The following CELSR1 variants were observed in gnomAD, a reference collection of about 807,000 sequenced individuals.
The protein encoded by CELSR1 is cadherin EGF LAG seven-pass G-type receptor 1, also known as adhesion G protein-coupled receptor C1.
Under a neutral mutation model 249.1 loss-of-function variants are expected in CELSR1, and 110 were observed. The ratio of observed to expected loss-of-function variants is 0.44; its 90% CI spans 0.38 to 0.52. CELSR1 has a LOEUF of 0.52. Ranked by LOEUF, CELSR1 falls within the 20% of genes least tolerant of loss-of-function variation. The pLI is 0.00. For synonymous variants in CELSR1, 2,113 were observed against 1,900.0 expected, an observed-to-expected ratio of 1.11 and a Z score of -2.92; for missense variants, 4,109 against 4,296.4, an observed-to-expected ratio of 0.96 and a Z score of 1.22.
chr22:46,408,921 A>T lies in CELSR1; in HGVS notation c.5226+75T>A. 1.6e-6 allele frequency: 2 copies of T among 1,277,254 alleles called. No individual in the cohort carries two copies. 79.1% of individuals were successfully genotyped at this position (1,277,254 alleles called of 1,614,324 possible). A position where few individuals can be genotyped will look rare whatever the true frequency, so the allele number is the denominator to read the frequency against. ...AGTAGCAGGTGCCCGAGTGTGCACC[A>T]GGAAGCCCAGCGCCTGGGTCCCTCC... On this transcript the variant is annotated intron_variant, in intron 9 of 34. Transcript: ENST00000674500. This position sits in a 1 kb window ranked among gnomAD's most constrained non-coding sequence, Gnocchi z 4.6.
Position 46,506,036 on chromosome 22 carries a change from G to A in CELSR1, c.3544+27591C>T, listed in dbSNP as rs1290392178. On this transcript the variant is annotated intron_variant, in intron 1 of 34. Coordinates refer to ENST00000674500, the MANE Select transcript of CELSR1 (RefSeq NM_001378328.1). This position sits in a 1 kb window ranked among gnomAD's most constrained non-coding sequence, Gnocchi z 4.1. ...TCTACTAAAAATACAAAAATTAGCA[G>A]GGCATGGTGGCAGGCACCTGTAATC... 6.6e-6 allele frequency among the ~76,000 whole-genome samples: 1 copy of A among 151,708 alleles called. No homozygotes were observed. Among genetic ancestry groups the A allele is most frequent in the Non-Finnish European group, 1.5e-5 (1 of 67,902 alleles).
chr22:46,535,609 G>T lies in CELSR1; in HGVS notation c.1562C>A (p.Pro521His). The change falls in exon 1 of 35, where the codon CCC becomes CAC. Residue 521 changes from proline (P) to histidine (H), a missense_variant. Transcript: ENST00000674500. ...TTTCTGGACATCCTCGAAATCCAAGGGGTTGATCACATCCAGGATCCCGCT... is the reference window on the plus strand; with the variant it reads ...TTTCTGGACATCCTCGAAATCCAAGTGGTTGATCACATCCAGGATCCCGCT... Reference protein sequence around the residue: ...SLSGILDVINPLDFEDVQKYS... With the variant: ...SLSGILDVINHLDFEDVQKYS... 1 of 1,613,448 alleles carries T rather than the reference G, an allele frequency of 6.2e-7. No individual in the cohort carries two copies. Among genetic ancestry groups the T allele is most frequent in the Non-Finnish European group, 8.5e-7 (1 of 1,180,034 alleles).
rs778959014 is a variant in CELSR1, at chr22:46,417,872, G to A, written c.4612-6113C>T. Reference sequence around the variant, plus strand: ...TTCTCAACTCAGAGTCCAGCTGGGCGGGCCCAAGGCCGGCGGGGGGCTCAC... The same window carrying A: ...TTCTCAACTCAGAGTCCAGCTGGGCAGGCCCAAGGCCGGCGGGGGGCTCAC... On this transcript the variant is annotated intron_variant, in intron 5 of 34. Transcript: ENST00000674500. This position sits in a 1 kb window ranked among gnomAD's most constrained non-coding sequence, Gnocchi z 4.1. Among the ~76,000 whole-genome samples the A allele has an allele frequency of 2.0e-5, 3 of 152,198 alleles. No homozygotes were observed. The highest frequency in any genetic ancestry group is 6.5e-5 in the Admixed American group (1 of 15,282).
At chr22:46,397,138 C>CTGTT (rs1363880649) in intron 12 of CELSR1, among the ~76,000 whole-genome samples, 1 of 152,124 alleles carries the variant, frequency 6.6e-6, no homozygotes, top group Non-Finnish European at 1.5e-5. Context: ...GAGTCTTGCT[C>CTGTT]TGTTGCCCAG....
intron 2 of CELSR1, among the ~76,000 whole-genome samples, chr22:46,463,226 C>T (rs2080052521): frequency 6.6e-6 from 1 of 152,222 alleles, no homozygotes. Flanking sequence ...TAAGAAAGTG[C>T]CATTGCTGGC....
intron 1 of CELSR1, among the ~76,000 whole-genome samples, chr22:46,516,997 C>T (rs1473608511): frequency 6.6e-6 from 1 of 152,200 alleles, no homozygotes; most frequent in African/African-American, 2.4e-5. Context: ...AGCAAAGGAA[C>T]CTTTATCACC....
Position 46,399,603 on chromosome 22 carries a change from C to T in CELSR1, c.5412+114G>A. ...CCCACCTGCGGGGACCCAGAAAGTG[C>T]CTCCCCAAATCCACAAGGTCTCTGG... On this transcript the variant is annotated intron_variant, in intron 10 of 34. Transcript: ENST00000674500. The surrounding 1 kb of genome is among the most constrained non-coding windows in gnomAD (Gnocchi z 5.0). 3 of 1,068,798 alleles carry T rather than the reference C, an allele frequency of 2.8e-6. No homozygotes were observed. The highest frequency in any genetic ancestry group is 4.2e-6 in the Non-Finnish European group (3 of 722,200). 66.2% of individuals were successfully genotyped at this position (1,068,798 alleles called of 1,614,324 possible).
Position 46,363,368 on chromosome 22 carries a change from G to A in CELSR1, c.9036-121C>T, listed in dbSNP as rs2078727605. 2.5e-6 allele frequency: 2 copies of A among 789,862 alleles called. No individual in the cohort carries two copies. The highest frequency in any genetic ancestry group is 4.0e-6 in the Non-Finnish European group (2 of 494,458). 48.9% of individuals were successfully genotyped at this position (789,862 alleles called of 1,614,324 possible). A position where few individuals can be genotyped will look rare whatever the true frequency, so the allele number is the denominator to read the frequency against. ...CCATCAGGGTAGAGGGGGCGTCTGG[G>A]GGCTCCAGGGAGGGCAAGCTCATGT... On this transcript the variant is annotated intron_variant, in intron 34 of 34. Coordinates refer to ENST00000674500, the MANE Select transcript of CELSR1 (RefSeq NM_001378328.1). This position sits in a 1 kb window ranked among gnomAD's most constrained non-coding sequence, Gnocchi z 4.3.
intron 23 of CELSR1, 115 bp from the exon 24 acceptor site, chr22:46,377,376 G>T: frequency 8.3e-7 from 1 of 1,206,452 alleles, no homozygotes; most frequent in Admixed American, 2.0e-5. Context: ...AGGCTGGCAG[G>T]ATCAGGCTGG....
At chr22:46,384,214 G>A (rs926639192) in intron 20 of CELSR1, among the ~76,000 whole-genome samples, 1 of 152,248 alleles carries the variant, frequency 6.6e-6, no homozygotes, top group Admixed American at 6.5e-5. Context: ...GGGATTACAG[G>A]CGTGAGCCGC....
chr22:46,369,148 T>C (rs771679861), intron 27 of CELSR1, 31 bp downstream of exon 27: 31 of 1,605,598 alleles, frequency 1.9e-5, no homozygotes, highest in East Asian at 2.2e-5. Flanking sequence ...CCAGCCGACA[T>C]GGCTGGCCGG....
At chr22:46,418,902 G>A (rs1042278922) in intron 5 of CELSR1, among the ~76,000 whole-genome samples, 7 of 152,342 alleles carry the variant, frequency 4.6e-5, no homozygotes, top group East Asian at 1.9e-4. Flanking sequence ...CCTGATGGAC[G>A]TATACAGTAC....
At chr22:46,524,551 T>TGC (rs2080718988) in intron 1 of CELSR1, among the ~76,000 whole-genome samples, 1 of 45,802 alleles carries the variant, frequency 2.2e-5, no homozygotes, top group African/African-American at 1.0e-4. Context: ...CGTGTGTGTG[T>TGC]GTGTGTGTGT....
intron 5 of CELSR1, among the ~76,000 whole-genome samples, chr22:46,414,722 CG>C (rs1008037527): frequency 1.1e-4 from 16 of 152,346 alleles, no homozygotes; most frequent in Non-Finnish European, 1.6e-4. Flanking sequence ...GACGCACAGA[CG>C]GGGGTCCCCA....
At position 46,380,874 on chromosome 22, in the gene CELSR1, C is replaced by A. The variant is rs758947549; in HGVS notation, c.7170G>T (p.Leu2390=). The change falls in exon 22 of 35, where the codon CTG becomes CTT. Residue 2390 remains leucine, a synonymous_variant. Transcript: ENST00000674500. The surrounding 1 kb of genome is among the most constrained non-coding windows in gnomAD (Gnocchi z 5.1). ...YSEGAPLPRP[L]ERPVLVEFAL... ...CGAACTCCACCAGGACGGGCCTCTC[C>A]AGGGGTCTCGGGAGCGGAGCCCCCT... 1 of 1,613,190 alleles carries A rather than the reference C, an allele frequency of 6.2e-7. No homozygotes were observed.
At chr22:46,439,658 G>A (rs180801143) in intron 2 of CELSR1, among the ~76,000 whole-genome samples, 5 of 152,186 alleles carry the variant, frequency 3.3e-5, no homozygotes, top group African/African-American at 7.2e-5. Context: ...TGGCCAGGGG[G>A]TTCCCAAAAA....
At chr22:46,507,989 C>G (rs1329222140) in intron 1 of CELSR1, among the ~76,000 whole-genome samples, 2 of 152,214 alleles carry the variant, frequency 1.3e-5, no homozygotes, top group African/African-American at 4.8e-5. Flanking sequence ...GTGGGATAAC[C>G]ATGCTGGGGA....
At chr22:46,438,651 A>G (rs963484309) in intron 3 of CELSR1, among the ~76,000 whole-genome samples, 10 of 152,298 alleles carry the variant, frequency 6.6e-5, no homozygotes, top group Non-Finnish European at 1.3e-4. Context: ...ATTAAACGTT[A>G]TTGGAGGTGG....
intron 2 of CELSR1, among the ~76,000 whole-genome samples, chr22:46,461,822 G>T (rs2080031660): frequency 6.6e-6 from 1 of 152,210 alleles, no homozygotes. Context: ...TCGACGAAGC[G>T]CCCCCCACCC....
Sources: gnomAD v4.1 joint callset for allele counts (sites outside exome capture counted in the v4.1 genomes callset) on GRCh38, gnomAD v4.1.1 for gene constraint, Gnocchi (gnomAD v3.1) non-coding constraint, MANE v1.5 for transcripts, NCBI Gene and HGNC (gene_info 2026-07-23, HGNC 2026-07-21) for gene names.